The following FAM78A variants were observed in gnomAD, a reference collection of about 807,000 sequenced individuals.
FAM78A encodes the protein protein FAM78A.
In FAM78A, 12 loss-of-function variants were observed where a neutral mutation model predicts 22.6. That is an observed-to-expected ratio of 0.53 (90% CI 0.34 to 0.86). FAM78A has a LOEUF of 0.86. FAM78A is among the 40% of genes least tolerant of loss of function. The probability of loss-of-function intolerance (pLI) is 0.02; values close to 1 mark genes in which losing one functional copy is unlikely to be tolerated. For missense variants in FAM78A, 322 were observed against 396.1 expected, an observed-to-expected ratio of 0.81 and a Z score of 1.59; for synonymous variants, 151 against 155.8, an observed-to-expected ratio of 0.97 and a Z score of 0.23.
chr9:131,261,440 T>A lies in FAM78A; in HGVS notation c.324-90A>T. On this transcript the variant is annotated intron_variant, in intron 1 of 1. Transcript: ENST00000372271. The surrounding 1 kb of genome is among the most constrained non-coding windows in gnomAD (Gnocchi z 7.1). ...GCAGGCCAGGGGCTGTCCTGGGCCC[T>A]GAGGATGGAACGGACCCAGCAGACC... The A allele has an allele frequency of 7.7e-7, 1 of 1,292,238 alleles. No homozygotes were observed. Among genetic ancestry groups the A allele is most frequent in the Non-Finnish European group, 1.0e-6 (1 of 966,856 alleles). 80.0% of individuals were successfully genotyped at this position (1,292,238 alleles called of 1,614,324 possible).
chr9:131,280,767 G>C (rs1835537004), upstream of FAM78A, among the ~76,000 whole-genome samples: 1 of 152,234 alleles, frequency 6.6e-6, no homozygotes, highest in Non-Finnish European at 1.5e-5. Context: ...CTTTGGAAAA[G>C]AGACTGCTGC....
chr9:131,279,919 C>A (rs1471856132), upstream of FAM78A, among the ~76,000 whole-genome samples: 1 of 152,224 alleles, frequency 6.6e-6, no homozygotes, highest in Non-Finnish European at 1.5e-5. Flanking sequence ...TCAGCTTCTT[C>A]ACCAAGCACA....
In FAM78A at chr9:131,272,123, C is replaced by T. The variant is rs1835428823; in HGVS notation, c.323+3734G>A. 1.3e-5 allele frequency among the ~76,000 whole-genome samples: 2 copies of T among 151,906 alleles called. No homozygotes were observed. Among genetic ancestry groups the T allele is most frequent in the South Asian group, 4.1e-4 (2 of 4,820 alleles). On this transcript the variant is annotated intron_variant, in intron 1 of 1. Coordinates refer to ENST00000372271, the MANE Select transcript of FAM78A (RefSeq NM_033387.4). The surrounding 1 kb of genome is among the most constrained non-coding windows in gnomAD (Gnocchi z 4.1). ...AGGGATTAATTTTAAGCAGGGATAA[C>T]GTTTGGGGGTATTATGGATTTTGGT... is the stretch of plus-strand genomic sequence containing the variant.
rs940888742 is a variant in FAM78A at position 131,272,177 on chromosome 9, C to A, written c.323+3680G>T. On this transcript the variant is annotated intron_variant, in intron 1 of 1. Coordinates refer to ENST00000372271, the MANE Select transcript of FAM78A (RefSeq NM_033387.4). This position sits in a 1 kb window ranked among gnomAD's most constrained non-coding sequence, Gnocchi z 4.1. ...GTATTTGGAATTAACATTTTGGATA[C>A]AAGCCCATTTGTAAAGAATGAAAGC... is the stretch of plus-strand genomic sequence containing the variant. 2.6e-5 allele frequency among the ~76,000 whole-genome samples: 4 copies of A among 152,198 alleles called. No individual in the cohort carries two copies. Among genetic ancestry groups the A allele is most frequent in the Admixed American group, 2.0e-4 (3 of 15,280 alleles).
At chr9:131,271,491 T>C (rs914883212) in intron 1 of FAM78A, among the ~76,000 whole-genome samples, 2 of 152,192 alleles carry the variant, frequency 1.3e-5, no homozygotes, top group Admixed American at 1.3e-4. Context: ...CATATTCCCA[T>C]GTCATAGATG....
At chr9:131,273,335 C>T (rs1051377983) in intron 1 of FAM78A, among the ~76,000 whole-genome samples, 2 of 152,254 alleles carry the variant, frequency 1.3e-5, no homozygotes, top group Non-Finnish European at 2.9e-5. Context: ...GCCGCCCCTC[C>T]CAGGAAGCTT....
Position 131,258,970 on chromosome 9 carries a change from T to A in FAM78A, c.*1852A>T, listed in dbSNP as rs1230505447. ...AGCTGGGCCCGGAGACCGACGGCAG[T>A]GGCTAAACGGTCATTAAGCACCCCT... On this transcript the variant is annotated 3_prime_UTR_variant, in exon 2 of 2. Coordinates refer to ENST00000372271, the MANE Select transcript of FAM78A (RefSeq NM_033387.4). 1 of 152,586 alleles carries A rather than the reference T, an allele frequency of 6.6e-6. No homozygotes were observed. Among genetic ancestry groups the A allele is most frequent in the African/African-American group, 2.4e-5 (1 of 41,462 alleles). The allele number at this position is 152,586 out of a possible 1,614,324, so 9.5% of individuals were successfully genotyped here. A position where few individuals can be genotyped will look rare whatever the true frequency, so the allele number is the denominator to read the frequency against.
At position 131,276,033 on chromosome 9, in the gene FAM78A, G is replaced by A. The variant is rs747395501; in HGVS notation, c.147C>T (p.Pro49=). 6 of 1,613,666 alleles carry A rather than the reference G, an allele frequency of 3.7e-6. No homozygotes were observed. In the African/African-American group the frequency reaches 4.0e-5, roughly 11 times the overall value. ...AGGACTCATCGATGCTAGTGGGGACGGGGTCGATGGAGGCTTTCACATCAA... is the reference window on the plus strand; with the variant it reads ...AGGACTCATCGATGCTAGTGGGGACAGGGTCGATGGAGGCTTTCACATCAA... ...TVIDVKASID[P]VPTSIDESSS... Residue 49 remains proline, a synonymous_variant, in exon 1 of 2, where the codon CCC becomes CCT. Coordinates refer to ENST00000372271, the MANE Select transcript of FAM78A (RefSeq NM_033387.4). The surrounding 1 kb of genome is among the most constrained non-coding windows in gnomAD (Gnocchi z 4.3).
chr9:131,273,198 C>A (rs1053464573), intron 1 of FAM78A, among the ~76,000 whole-genome samples: 1 of 152,210 alleles, frequency 6.6e-6, no homozygotes, highest in Non-Finnish European at 1.5e-5. Flanking sequence ...TGGCCTCTCG[C>A]TGAATCCTCA....
In FAM78A at chr9:131,276,301, C is replaced by A. The variant is rs1249993691; in HGVS notation, c.-122G>T. 2.7e-6 allele frequency: 2 copies of A among 740,216 alleles called. No homozygotes were observed. Among genetic ancestry groups the A allele is most frequent in the South Asian group, 2.0e-5 (1 of 48,808 alleles). 45.9% of individuals were successfully genotyped at this position (740,216 alleles called of 1,614,324 possible). The stretch of plus-strand genomic sequence containing the variant: ...AGACTGGGGTTGCATATATCACTAC[C>A]GCGGCCTGTTTATAAATAAGGATTC... On this transcript the variant is annotated 5_prime_UTR_variant, in exon 1 of 2. Transcript: ENST00000372271. This position sits in a 1 kb window ranked among gnomAD's most constrained non-coding sequence, Gnocchi z 4.3.
At chr9:131,273,234 C>A (rs995062215) in intron 1 of FAM78A, among the ~76,000 whole-genome samples, 2 of 152,238 alleles carry the variant, frequency 1.3e-5, no homozygotes, top group African/African-American at 4.8e-5. Flanking sequence ...AGTTCTCCCC[C>A]TCATGGACGG....
At chr9:131,262,139 A>C (rs909322240) in intron 1 of FAM78A, among the ~76,000 whole-genome samples, 2 of 151,652 alleles carry the variant, frequency 1.3e-5, no homozygotes, top group African/African-American at 4.9e-5. Context: ...CACCCTGGCC[A>C]ATATGGTGAA....
At position 131,275,973 on chromosome 9, in the gene FAM78A, G is replaced by C; in HGVS notation, c.207C>G (p.Phe69Leu). ...GCATGACCACCTGGGCCGAGGCCCG[G>C]AAGTGGGGTGTCCGGTAGCGGAGCA... is the stretch of plus-strand genomic sequence containing the variant. ...SVVLRYRTPHFRASAQVVMPP... is the reference protein window; with the variant it reads ...SVVLRYRTPHLRASAQVVMPP... Residue 69 changes from phenylalanine (F) to leucine (L), a missense_variant, in exon 1 of 2, where the codon TTC (phenylalanine) becomes TTG (leucine). By Grantham distance (22) the Phe-to-Leu change is conservative. Coordinates refer to ENST00000372271, the MANE Select transcript of FAM78A (RefSeq NM_033387.4). This position sits in a 1 kb window ranked among gnomAD's most constrained non-coding sequence, Gnocchi z 4.6. The C allele has an allele frequency of 6.2e-7, 1 of 1,613,608 alleles. No individual in the cohort carries two copies. Among genetic ancestry groups the C allele is most frequent in the Non-Finnish European group, 8.5e-7 (1 of 1,180,036 alleles).
In FAM78A at chr9:131,276,199, G is replaced by A. The variant is rs368516229; in HGVS notation, c.-20C>T. 1 of 1,602,662 alleles carries A rather than the reference G, an allele frequency of 6.2e-7. No individual in the cohort carries two copies. Among genetic ancestry groups the A allele is most frequent in the Non-Finnish European group, 8.5e-7 (1 of 1,173,562 alleles). ...AGGCATTGAAAGGACAGAGGCTGCAGGACCCAGTACAGACGGCGCTGCTCT... is the reference window on the plus strand; with the variant it reads ...AGGCATTGAAAGGACAGAGGCTGCAAGACCCAGTACAGACGGCGCTGCTCT... On this transcript the variant is annotated 5_prime_UTR_variant, in exon 1 of 2. Coordinates refer to ENST00000372271, the MANE Select transcript of FAM78A (RefSeq NM_033387.4). This position sits in a 1 kb window ranked among gnomAD's most constrained non-coding sequence, Gnocchi z 4.3.
rs1478802956 is a variant in FAM78A, at chr9:131,267,595, TATATACAG to T, written c.324-6253_324-6246del. Among the ~76,000 whole-genome samples, 5 of 152,346 alleles carry T rather than the reference TATATACAG, an allele frequency of 3.3e-5. No individual in the cohort carries two copies. In the East Asian group the frequency reaches 7.7e-4, roughly 23 times the overall value. ...TTGAAATAACAGGTTGGATATGCTA[TATATACAG>T]ATATACAGATATATGTTCTAATAGG... On this transcript the variant is annotated intron_variant, in intron 1 of 1. Transcript: ENST00000372271.
At position 131,274,984 on chromosome 9, in the gene FAM78A, T is replaced by C. The variant is rs568819370; in HGVS notation, c.323+873A>G. 6.6e-6 allele frequency among the ~76,000 whole-genome samples: 1 copy of C among 152,290 alleles called. No individual in the cohort carries two copies. The highest frequency in any genetic ancestry group is 2.1e-4 in the South Asian group (1 of 4,830). ...GAAACAGCTATTTTCACCATCCCTG[T>C]CTTAGGGTGAACCTTCAGATTAAGT... On this transcript the variant is annotated intron_variant, in intron 1 of 1. Transcript: ENST00000372271. This position sits in a 1 kb window ranked among gnomAD's most constrained non-coding sequence, Gnocchi z 4.2.
chr9:131,258,565 G>C lies in FAM78A; in HGVS notation c.*2257C>G, dbSNP rs1227805350. ...CTCACTCAAGAAATGCGGGTTCGGGGGTCCTTCACCCCCTAGCAGCTCAGG... is the reference window on the plus strand; with the variant it reads ...CTCACTCAAGAAATGCGGGTTCGGGCGTCCTTCACCCCCTAGCAGCTCAGG... On this transcript the variant is annotated 3_prime_UTR_variant, in exon 2 of 2. Transcript: ENST00000372271. 6.6e-6 allele frequency: 1 copy of C among 151,998 alleles called. No homozygotes were observed. The highest frequency in any genetic ancestry group is 6.5e-5 in the Admixed American group (1 of 15,270). 9.4% of individuals were successfully genotyped at this position (151,998 alleles called of 1,614,324 possible). A position where few individuals can be genotyped will look rare whatever the true frequency, so the allele number is the denominator to read the frequency against.
At chr9:131,278,343 G>A (rs889050232), upstream of FAM78A, among the ~76,000 whole-genome samples, 7 of 152,190 alleles carry the variant, frequency 4.6e-5, no homozygotes, top group Admixed American at 3.9e-4. Context: ...AGCACCCGCA[G>A]AAGGGCTCCC....
intron 1 of FAM78A, chr9:131,264,269 C>T (rs1835312667): frequency 2.0e-5 from 7 of 345,482 alleles, no homozygotes; most frequent in Non-Finnish European, 3.2e-5. Flanking sequence ...GGTTTTCTTT[C>T]CTTTCCCAGT....
Sources: gnomAD v4.1 joint callset for allele counts (sites outside exome capture counted in the v4.1 genomes callset) on GRCh38, gnomAD v4.1.1 for gene constraint, Gnocchi (gnomAD v3.1) non-coding constraint, MANE v1.5 for transcripts, NCBI Gene and HGNC (gene_info 2026-07-23, HGNC 2026-07-21) for gene names.